The following BAZ1A variants were observed in gnomAD, a reference collection of about 807,000 sequenced individuals.
The protein encoded by BAZ1A is bromodomain adjacent to zinc finger domain 1A.
BAZ1A carries 50 observed loss-of-function variants against 185.2 expected under a neutral mutation model. The ratio of observed to expected loss-of-function variants is 0.27; its 90% CI spans 0.22 to 0.34. The LOEUF (loss-of-function observed/expected upper bound fraction) is 0.34. Ranked by LOEUF, BAZ1A falls within the 10% of genes least tolerant of loss-of-function variation. The probability of loss-of-function intolerance (pLI) is 1.00; values close to 1 mark genes in which losing one functional copy is unlikely to be tolerated. For missense variants in BAZ1A, 1,356 were observed against 1,839.9 expected (o/e 0.74, Z 4.81); for synonymous variants, 571 against 615.6 (o/e 0.93, Z 1.07).
chr14:34,753,127 G>C lies in BAZ1A; in HGVS notation c.*381C>G, dbSNP rs550545204. On this transcript the variant is annotated 3_prime_UTR_variant, in exon 27 of 27. Coordinates refer to ENST00000360310, the MANE Select transcript of BAZ1A (RefSeq NM_013448.3). ...AACACCTTTTCTAAACTGTGCTATA[G>C]CGGAAGACTCATCCATGTAGATAAC... 128 of 185,016 alleles carry C rather than the reference G, an allele frequency of 6.9e-4. No homozygotes were observed. The highest frequency in any genetic ancestry group is 2.9e-3 in the African/African-American group (124 of 42,368). The allele number at this position is 185,016 out of a possible 1,614,324, so 11.5% of individuals were successfully genotyped here. A position where few individuals can be genotyped will look rare whatever the true frequency, so the allele number is the denominator to read the frequency against.
rs1555336963 is a variant in BAZ1A at position 34,759,184 on chromosome 14, T to TTTTTTGTTTTTTTG, written c.4244-339_4244-338insCAAAAAAACAAAAA. ...TTTACAGCTACAGTTTTTTTTTTTT[T>TTTTTTGTTTTTTTG]TTTTTTTTTTTTTTGAGATGGAGTC... On this transcript the variant is annotated intron_variant, in intron 24 of 26. Coordinates refer to ENST00000360310, the MANE Select transcript of BAZ1A (RefSeq NM_013448.3). 1.0e-4 allele frequency among the ~76,000 whole-genome samples: 11 copies of TTTTTTGTTTTTTTG among 108,108 alleles called. 2 individuals carry two copies. The highest frequency in any genetic ancestry group is 7.4e-4 in the South Asian group (2 of 2,706). 70.9% of individuals were successfully genotyped at this position (108,108 alleles called of 152,430 possible).
chr14:34,843,343 G>C (rs924943795), intron 3 of BAZ1A, among the ~76,000 whole-genome samples: 2 of 152,274 alleles, frequency 1.3e-5, no homozygotes, highest in African/African-American at 2.4e-5. Flanking sequence ...CATACAGCAC[G>C]CTGAGGCTTG....
chr14:34,857,856 G>A (rs1433947685), intron 3 of BAZ1A, among the ~76,000 whole-genome samples: 1 of 152,136 alleles, frequency 6.6e-6, no homozygotes, highest in East Asian at 1.9e-4. Flanking sequence ...TGTTCTCAGA[G>A]TTAATGTCAC....
At chr14:34,866,495 A>AC in intron 2 of BAZ1A, among the ~76,000 whole-genome samples, 1 of 142,698 alleles carries the variant, frequency 7.0e-6, no homozygotes, top group Non-Finnish European at 1.5e-5. Flanking sequence ...CTCAAAAAAA[A>AC]AAAAAAAGAA....
chr14:34,761,121 T>A (rs1886505075), intron 24 of BAZ1A, among the ~76,000 whole-genome samples: 1 of 150,592 alleles, frequency 6.6e-6, no homozygotes, highest in African/African-American at 2.5e-5. Context: ...TCTCTACTAA[T>A]ACAAAAATTA....
chr14:34,825,208 T>C (rs7147682), intron 4 of BAZ1A, among the ~76,000 whole-genome samples: 89,812 of 151,886 alleles, frequency 0.59, 26,689 homozygotes, highest in South Asian at 0.67. Context: ...AATCCCAACA[T>C]TTTGGGAGGC....
In BAZ1A at chr14:34,794,846, A is replaced by G. The variant is rs1476729546; in HGVS notation, c.1266T>C (p.Pro422=). 2 of 1,614,160 alleles carry G rather than the reference A, an allele frequency of 1.2e-6. No homozygotes were observed. The highest frequency in any genetic ancestry group is 2.2e-5 in the South Asian group (2 of 91,080). ...CCATCAGAGCATCACCAAAGATTTCAGGAGGTAGTCTAGTTTTCACTGGTG... is the reference window on the plus strand; with the variant it reads ...CCATCAGAGCATCACCAAAGATTTCGGGAGGTAGTCTAGTTTTCACTGGTG... ...EPTPVKTRLP[P]EIFGDALMVL... The change falls in exon 11 of 27, where the codon CCT becomes CCC. Residue 422 remains proline, a synonymous_variant. Coordinates refer to ENST00000360310, the MANE Select transcript of BAZ1A (RefSeq NM_013448.3).
intron 9 of BAZ1A, among the ~76,000 whole-genome samples, chr14:34,798,627 C>T (rs1026508783): frequency 1.3e-5 from 2 of 152,166 alleles, no homozygotes; most frequent in Non-Finnish European, 2.9e-5. Flanking sequence ...CCAAAAGACA[C>T]ATGAAAAAAT....
chr14:34,844,310 A>C (rs1016145937), intron 3 of BAZ1A, among the ~76,000 whole-genome samples: 1 of 152,134 alleles, frequency 6.6e-6, no homozygotes, highest in Non-Finnish European at 1.5e-5. Flanking sequence ...CTTAGGAATA[A>C]ATTTAACCAA....
chr14:34,786,939 CAA>C (rs1555339609), intron 12 of BAZ1A, among the ~76,000 whole-genome samples: 1 of 151,758 alleles, frequency 6.6e-6, no homozygotes, highest in Non-Finnish European at 1.5e-5. Context: ...TAAGTCATAA[CAA>C]AGTATAGGTT....
At chr14:34,761,699 C>A in intron 24 of BAZ1A, 58 bp downstream of exon 24, 1 of 1,417,040 alleles carries the variant, frequency 7.1e-7, no homozygotes, top group South Asian at 1.3e-5. Flanking sequence ...TCTCAACATT[C>A]GATATTTCCA....
intron 21 of BAZ1A, among the ~76,000 whole-genome samples, chr14:34,765,898 A>G (rs555616433): frequency 6.6e-6 from 1 of 152,276 alleles, no homozygotes; most frequent in African/African-American, 2.4e-5. Flanking sequence ...TTCCACTTCA[A>G]TCTTTAATAT....
chr14:34,859,640 A>C (rs2042736869), intron 3 of BAZ1A, among the ~76,000 whole-genome samples: 1 of 152,080 alleles, frequency 6.6e-6, no homozygotes, highest in Non-Finnish European at 1.5e-5. Context: ...CCTTTAAATC[A>C]TGATTTTCCT....
chr14:34,851,318 G>A (rs2042592755), intron 3 of BAZ1A, among the ~76,000 whole-genome samples: 1 of 122,878 alleles, frequency 8.1e-6, no homozygotes, highest in African/African-American at 3.1e-5. Flanking sequence ...GGGCAACAGA[G>A]TGGGACCCTA....
intron 2 of BAZ1A, among the ~76,000 whole-genome samples, chr14:34,871,114 A>T (rs986343570): frequency 3.3e-5 from 5 of 152,238 alleles, no homozygotes; most frequent in South Asian, 2.1e-4. Flanking sequence ...AATACAACAA[A>T]TCATTTTCCT....
intron 3 of BAZ1A, among the ~76,000 whole-genome samples, chr14:34,860,015 T>C (rs1231384631): frequency 6.6e-6 from 1 of 152,190 alleles, no homozygotes; most frequent in Non-Finnish European, 1.5e-5. Context: ...TCTTAGTTTT[T>C]AGATAAAAAT....
At chr14:34,761,415 CTGAG>C (rs1436019211) in intron 24 of BAZ1A, among the ~76,000 whole-genome samples, 1 of 152,074 alleles carries the variant, frequency 6.6e-6, no homozygotes, top group Non-Finnish European at 1.5e-5. Context: ...CTAGGTGATG[CTGAG>C]TATTTGCGTT....
At chr14:34,840,088 T>G (rs2042391476) in intron 3 of BAZ1A, among the ~76,000 whole-genome samples, 1 of 152,168 alleles carries the variant, frequency 6.6e-6, no homozygotes, top group African/African-American at 2.4e-5. Context: ...TTGATTTAAA[T>G]TATTCTTTAA....
chr14:34,867,322 C>T (rs1367061529), intron 2 of BAZ1A, among the ~76,000 whole-genome samples: 1 of 152,112 alleles, frequency 6.6e-6, no homozygotes, highest in Admixed American at 6.6e-5. Flanking sequence ...TTAATTCGGA[C>T]TAATCACATT....
Sources: allele counts gnomAD v4.1 joint callset (sites outside exome capture counted in the v4.1 genomes callset), GRCh38; gene constraint gnomAD v4.1.1; transcripts MANE v1.5; gene names NCBI Gene and HGNC (gene_info 2026-07-23, HGNC 2026-07-21).